Variants in STXBP5 observed in about 807,000 individuals in gnomAD.
STXBP5 encodes the protein syntaxin binding protein 5, also known as syntaxin-binding protein 5.
STXBP5 carries 50 observed loss-of-function variants against 152.4 expected under a neutral mutation model. That is an observed-to-expected ratio of 0.33 (90% CI 0.26 to 0.42). The LOEUF (loss-of-function observed/expected upper bound fraction) is 0.42. Among genes scored for constraint, STXBP5 ranks in the 10% least tolerant of loss-of-function variants. The pLI, the probability that STXBP5 is intolerant of heterozygous loss-of-function variation, is 1.00. For synonymous variants in STXBP5, 492 were observed against 494.7 expected (o/e 0.99, Z 0.07); for missense variants, 1,167 against 1,388.6 (o/e 0.84, Z 2.54).
Position 147,324,203 on chromosome 6 carries a change from T to G in STXBP5, c.1803-756T>G, listed in dbSNP as rs187563259. 3.6e-4 allele frequency among the ~76,000 whole-genome samples: 55 copies of G among 152,028 alleles called. No homozygotes were observed. In the East Asian group the frequency reaches 9.3e-3, roughly 26 times the overall value. On this transcript the variant is annotated intron_variant, in intron 16 of 27. Transcript: ENST00000321680. ...TGTTGTAACTCATTTTTTTAACTTGTTTTTGGACAGTTTTTCGTTATGTTA... is the reference window on the plus strand; with the variant it reads ...TGTTGTAACTCATTTTTTTAACTTGGTTTTGGACAGTTTTTCGTTATGTTA...
At chr6:147,214,935 G>C (rs1777083671) in intron 2 of STXBP5, among the ~76,000 whole-genome samples, 1 of 152,198 alleles carries the variant, frequency 6.6e-6, no homozygotes, top group Non-Finnish European at 1.5e-5. Flanking sequence ...TCAACTTTAT[G>C]TCCTTCAGTA....
chr6:147,349,216 G>A lies in STXBP5; in HGVS notation c.2255-4107G>A, dbSNP rs188662641. On this transcript the variant is annotated intron_variant, in intron 21 of 27. Coordinates refer to ENST00000321680, the MANE Select transcript of STXBP5 (RefSeq NM_001127715.4). ...AGGAGGAAGCTAAAAAACATCCTGA[G>A]TTTAAGACACCTTACACAAGAGTTG... Among the ~76,000 whole-genome samples the A allele has an allele frequency of 2.6e-5, 4 of 152,114 alleles. No individual in the cohort carries two copies. The South Asian group carries it at 6.2e-4, about 24-fold the overall frequency.
At position 147,254,419 on chromosome 6, in the gene STXBP5, C is replaced by G. The variant is rs552709098; in HGVS notation, c.432-6196C>G. Among the ~76,000 whole-genome samples, 8 of 152,230 alleles carry G rather than the reference C, an allele frequency of 5.3e-5. 1 individual carries two copies. In the South Asian group the frequency reaches 1.7e-3, roughly 32 times the overall value. On this transcript the variant is annotated intron_variant, in intron 4 of 27. Transcript: ENST00000321680. The stretch of plus-strand genomic sequence containing the variant: ...GTGACTATAACACCAAAAGCAATGG[C>G]AACAAAAGCCAAAATTGACAAATGG...
chr6:147,324,712 C>G (rs908235560), intron 16 of STXBP5, among the ~76,000 whole-genome samples: 1 of 151,896 alleles, frequency 6.6e-6, no homozygotes, highest in African/African-American at 2.4e-5. Context: ...TTCCTCCTCA[C>G]CTCTTATTTT....
chr6:147,359,810 A>G (rs1327033777), intron 23 of STXBP5, among the ~76,000 whole-genome samples: 1 of 151,970 alleles, frequency 6.6e-6, no homozygotes, highest in Non-Finnish European at 1.5e-5. Flanking sequence ...TTATGGCTGC[A>G]TAGTATTCCA....
At position 147,295,418 on chromosome 6, in the gene STXBP5, A is replaced by G. The variant is rs573432843; in HGVS notation, c.917+4246A>G. Among the ~76,000 whole-genome samples the G allele has an allele frequency of 9.2e-5, 14 of 152,318 alleles. No individual in the cohort carries two copies. In the South Asian group the frequency reaches 2.7e-3, roughly 29 times the overall value. On this transcript the variant is annotated intron_variant, in intron 9 of 27. Coordinates refer to ENST00000321680, the MANE Select transcript of STXBP5 (RefSeq NM_001127715.4). ...ATTGGGTCCTTGAGCAAGACGTCTG[A>G]CTAGAGGTGCCTGGTGTTAATCACC...
Position 147,316,291 on chromosome 6 carries a change from A to G in STXBP5, c.1686A>G (p.Pro562=), listed in dbSNP as rs770965221. The change falls in exon 16 of 28, where the codon CCA becomes CCG. Residue 562 remains proline, a synonymous_variant. Coordinates refer to ENST00000321680, the MANE Select transcript of STXBP5 (RefSeq NM_001127715.4). ...TGGAAACTCCGGAGGGTGAGCAGCCACCACCTTTGCCAACACCCGTGGGAG... is the reference window on the plus strand; with the variant it reads ...TGGAAACTCCGGAGGGTGAGCAGCCGCCACCTTTGCCAACACCCGTGGGAG... ...NDVETPEGEQ[P]PPLPTPVGGS... 8 of 1,614,036 alleles carry G rather than the reference A, an allele frequency of 5.0e-6. No homozygotes were observed. Among genetic ancestry groups the G allele is most frequent in the Middle Eastern group, 1.7e-4 (1 of 6,060 alleles).
chr6:147,259,625 C>T (rs142250999), intron 4 of STXBP5, among the ~76,000 whole-genome samples: 75 of 152,070 alleles, frequency 4.9e-4, no homozygotes, highest in Non-Finnish European at 9.1e-4. Flanking sequence ...GTATGCTTTG[C>T]CGAGTGCCTA....
At chr6:147,239,112 T>A (rs967846789) in intron 3 of STXBP5, 58 bp from the exon 4 acceptor site, 2 of 1,461,014 alleles carry the variant, frequency 1.4e-6, no homozygotes, top group African/African-American at 2.8e-5. Flanking sequence ...AGCTATTGAG[T>A]AGACTTCATG....
chr6:147,232,585 A>G (rs1778059282), intron 2 of STXBP5, among the ~76,000 whole-genome samples: 1 of 151,814 alleles, frequency 6.6e-6, no homozygotes, highest in East Asian at 1.9e-4. Context: ...GGAAAAGGGA[A>G]TGAAATAAGT....
intron 8 of STXBP5, among the ~76,000 whole-genome samples, chr6:147,287,617 T>A (rs1405126702): frequency 6.6e-6 from 1 of 152,256 alleles, no homozygotes; most frequent in Non-Finnish European, 1.5e-5. Flanking sequence ...ATTTCTTTTA[T>A]GTTAATGGCT....
At chr6:147,384,048 C>G (rs1786225103) in intron 27 of STXBP5, among the ~76,000 whole-genome samples, 1 of 152,080 alleles carries the variant, frequency 6.6e-6, no homozygotes, top group Admixed American at 6.6e-5. Flanking sequence ...TATTCACACT[C>G]TGAATATTTA....
At chr6:147,225,672 C>T (rs1321780805) in intron 2 of STXBP5, among the ~76,000 whole-genome samples, 3 of 152,272 alleles carry the variant, frequency 2.0e-5, no homozygotes, top group South Asian at 2.1e-4. Flanking sequence ...GTGGTAGTGA[C>T]GGTAGTGAAA....
intron 16 of STXBP5, among the ~76,000 whole-genome samples, chr6:147,324,060 A>G (rs1052505025): frequency 6.6e-6 from 1 of 152,110 alleles, no homozygotes; most frequent in Non-Finnish European, 1.5e-5. Flanking sequence ...TTGTAGCATT[A>G]TCCAGCAATT....
intron 7 of STXBP5, among the ~76,000 whole-genome samples, chr6:147,273,040 T>A (rs1170349668): frequency 6.6e-6 from 1 of 152,084 alleles, no homozygotes; most frequent in Non-Finnish European, 1.5e-5. Flanking sequence ...CCATTTTTTT[T>A]AGGCTATGAT....
chr6:147,233,076 G>C (rs1437642097), intron 2 of STXBP5, among the ~76,000 whole-genome samples: 1 of 151,670 alleles, frequency 6.6e-6, no homozygotes, highest in Admixed American at 6.6e-5. Flanking sequence ...TATGTCTATT[G>C]TATTAGATAT....
intron 4 of STXBP5, among the ~76,000 whole-genome samples, chr6:147,240,812 G>A (rs1208325364): frequency 6.6e-6 from 1 of 152,140 alleles, no homozygotes; most frequent in East Asian, 1.9e-4. Context: ...TGGGAGAAAC[G>A]AAACTTGGAA....
At position 147,363,499 on chromosome 6, in the gene STXBP5, T is replaced by C. The variant is rs1785158439; in HGVS notation, c.2710T>C (p.Ser904Pro). Residue 904 changes from serine (S) to proline (P), a missense_variant, in exon 24 of 28, where the codon TCC becomes CCC. By Grantham distance (74) the Ser-to-Pro change is moderately conservative. Coordinates refer to ENST00000321680, the MANE Select transcript of STXBP5 (RefSeq NM_001127715.4). ...KKRRPVSVSPSSSQEISENQY... is the reference protein window; with the variant it reads ...KKRRPVSVSPPSSQEISENQY... ...ACGGCGGCCTGTCTCAGTATCCCCC[T>C]CCTCTTCTCAGGAAATTAGTGAAAA... is the stretch of plus-strand genomic sequence containing the variant. The C allele has an allele frequency of 6.2e-7, 1 of 1,613,978 alleles. No homozygotes were observed. The highest frequency in any genetic ancestry group is 1.7e-5 in the Admixed American group (1 of 59,976).
chr6:147,314,986 G>A (rs367578461), intron 14 of STXBP5, among the ~76,000 whole-genome samples: 1 of 152,140 alleles, frequency 6.6e-6, no homozygotes, highest in East Asian at 1.9e-4. Flanking sequence ...TAACGTTCAT[G>A]TTGTCTTTGC....
Sources: gnomAD v4.1 joint callset for allele counts (sites outside exome capture counted in the v4.1 genomes callset) on GRCh38, gnomAD v4.1.1 for gene constraint, MANE v1.5 for transcripts, NCBI Gene and HGNC (gene_info 2026-07-23, HGNC 2026-07-21) for gene names.